Variants in RBFOX1 observed in about 807,000 individuals in gnomAD.
RBFOX1 encodes RNA binding protein fox-1 homolog 1.
Under a neutral mutation model 57.7 loss-of-function variants are expected in RBFOX1, and 8 were observed. The observed-to-expected ratio is 0.14, with a 90% CI of 0.08 to 0.25. RBFOX1 has a LOEUF of 0.25. Among genes scored for constraint, RBFOX1 ranks in the 10% least tolerant of loss-of-function variants. The pLI, the probability that RBFOX1 is intolerant of heterozygous loss-of-function variation, is 1.00. For missense variants in RBFOX1, 611 were observed against 548.5 expected, an observed-to-expected ratio of 1.11 and a Z score of -1.14; for synonymous variants, 326 against 222.4, an observed-to-expected ratio of 1.47 and a Z score of -4.15.
chr16:5,508,287 G>T (rs1215942407), intron 2 of RBFOX1, among the ~76,000 whole-genome samples: 1 of 152,124 alleles, frequency 6.6e-6, no homozygotes, highest in Admixed American at 6.5e-5. Flanking sequence ...GTGTCTGTAA[G>T]TCTGAGATCC....
intron 4 of RBFOX1, among the ~76,000 whole-genome samples, chr16:7,202,119 G>A (rs2088687882): frequency 1.3e-5 from 2 of 151,546 alleles, no homozygotes; most frequent in African/African-American, 4.9e-5. Flanking sequence ...AACAACCACA[G>A]CAATATAAAC....
At chr16:5,653,755 G>A (rs892260961) in intron 3 of RBFOX1, among the ~76,000 whole-genome samples, 2 of 152,202 alleles carry the variant, frequency 1.3e-5, no homozygotes, top group Non-Finnish European at 2.9e-5. Context: ...CAGGCCAGGG[G>A]TGGGGTGGCT....
rs76509162 is a variant in RBFOX1, at chr16:5,264,763, A to G, written c.219+24658A>G. 3.3e-5 allele frequency among the ~76,000 whole-genome samples: 5 copies of G among 152,166 alleles called. No homozygotes were observed. The East Asian group carries it at 9.7e-4, about 29-fold the overall frequency. On this transcript the variant is annotated intron_variant, in intron 1 of 2. Transcript: ENST00000585867. Reference sequence around the variant, plus strand: ...TTCTAGCTAGGAGCTTTTAATTCTTAGTACAGGGCTCTCTAGCATTCTTCT... The same window carrying G: ...TTCTAGCTAGGAGCTTTTAATTCTTGGTACAGGGCTCTCTAGCATTCTTCT...
At chr16:5,895,269 T>G in intron 4 of RBFOX1, among the ~76,000 whole-genome samples, 1 of 152,232 alleles carries the variant, frequency 6.6e-6, no homozygotes. Flanking sequence ...GTGGTCCAGA[T>G]GCCTGTCTTT....
rs1170255865 is a variant in RBFOX1 at position 6,521,435 on chromosome 16, C to T, written c.-63-133168C>T. Among the ~76,000 whole-genome samples the T allele has an allele frequency of 7.1e-5, 10 of 141,392 alleles. 1 individual carries two copies. In the Admixed American group the frequency reaches 7.1e-4, roughly 10 times the overall value. 92.8% of individuals were successfully genotyped at this position (141,392 alleles called of 152,430 possible). ...TTTCTTTTTTCTCTTCCTTCCCTTC[C>T]CTCCCCTCCCCTCCCGTCCCCTCTC... On this transcript the variant is annotated intron_variant, in intron 2 of 15. Transcript: ENST00000550418.
chr16:6,812,350 C>T (rs117764243), intron 3 of RBFOX1, among the ~76,000 whole-genome samples: 2 of 152,182 alleles, frequency 1.3e-5, no homozygotes, highest in East Asian at 1.9e-4. Flanking sequence ...CCAATTAGCA[C>T]TGCAAAGTTT....
chr16:5,324,171 T>C (rs981533473), intron 1 of RBFOX1, among the ~76,000 whole-genome samples: 3 of 152,110 alleles, frequency 2.0e-5, no homozygotes, highest in Non-Finnish European at 2.9e-5. Flanking sequence ...TCCTTGGAAA[T>C]AGAGAATTCT....
chr16:7,332,668 C>G (rs201697766), intron 4 of RBFOX1: 55 of 627,854 alleles, frequency 8.8e-5, no homozygotes, highest in South Asian at 2.6e-4. Context: ...TGGTCTCTCT[C>G]TCTGTCTCTC....
chr16:6,277,364 G>A (rs1169807588), intron 1 of RBFOX1, among the ~76,000 whole-genome samples: 1 of 149,082 alleles, frequency 6.7e-6, no homozygotes, highest in Non-Finnish European at 1.5e-5. Flanking sequence ...AGGAGGCTAA[G>A]GTGGGAGGAT....
At chr16:7,120,423 C>G (rs975460703) in intron 4 of RBFOX1, among the ~76,000 whole-genome samples, 6 of 151,952 alleles carry the variant, frequency 3.9e-5, no homozygotes, top group Admixed American at 6.6e-5. Context: ...TGAATCTATT[C>G]TAGCAAGACT....
rs117919668 is a variant in RBFOX1 at position 7,301,730 on chromosome 16, C to G, written c.28-216417C>G. On this transcript the variant is annotated intron_variant, in intron 4 of 15. Transcript: ENST00000550418. ...CTTCTTGGGTTATTTACAGGCTTTT[C>G]TAATGCCAGCAAGAGAAAAAAAAAT... is the stretch of plus-strand genomic sequence containing the variant. Among the ~76,000 whole-genome samples, 639 of 151,978 alleles carry G rather than the reference C, an allele frequency of 4.2e-3. 17 individuals are homozygous for G. The highest frequency in any genetic ancestry group is 0.035 in the Admixed American group (538 of 15,276).
chr16:7,621,059 G>C (rs78763291), intron 10 of RBFOX1, among the ~76,000 whole-genome samples: 3,273 of 152,082 alleles, frequency 0.022, 110 homozygotes, highest in African/African-American at 0.075. Flanking sequence ...AGACCCCCTA[G>C]ATAAGAATCT....
chr16:5,713,019 A>C (rs1322532691), intron 3 of RBFOX1, among the ~76,000 whole-genome samples: 1 of 152,174 alleles, frequency 6.6e-6, no homozygotes, highest in Non-Finnish European at 1.5e-5. Flanking sequence ...ATAGTGGATG[A>C]GACTTTAGCC....
chr16:6,535,542 T>G (rs1248975171), intron 2 of RBFOX1, among the ~76,000 whole-genome samples: 1 of 152,236 alleles, frequency 6.6e-6, no homozygotes, highest in Non-Finnish European at 1.5e-5. Flanking sequence ...GTCAGGTTTA[T>G]TCGTCAGTGT....
intron 5 of RBFOX1, among the ~76,000 whole-genome samples, chr16:7,524,393 A>G (rs1016196774): frequency 4.6e-5 from 7 of 152,092 alleles, no homozygotes; most frequent in East Asian, 1.9e-4. Context: ...CTGAATTTCT[A>G]TTTCATGTAG....
intron 10 of RBFOX1, among the ~76,000 whole-genome samples, chr16:7,612,566 C>G (rs921216772): frequency 6.6e-6 from 1 of 151,694 alleles, no homozygotes; most frequent in African/African-American, 2.4e-5. Flanking sequence ...GGGATTCTTA[C>G]ACTTTCTCTG....
chr16:7,418,798 C>G (rs1247795440), intron 4 of RBFOX1, among the ~76,000 whole-genome samples: 1 of 133,316 alleles, frequency 7.5e-6, no homozygotes. Context: ...CTTTCTCTGT[C>G]TTCCTCTGTC....
rs144349148 is a variant in RBFOX1, at chr16:6,345,212, G to A, written c.-64+28155G>A. Among the ~76,000 whole-genome samples, 33 of 152,206 alleles carry A rather than the reference G, an allele frequency of 2.2e-4. 1 individual carries two copies. The highest frequency in any genetic ancestry group is 7.2e-4 in the African/African-American group (30 of 41,544). ...GGCGCTGCGTCCAGGAGGGTTCTTG[G>A]CTTTACCCAGAAGAGAATTCAAGGG... On this transcript the variant is annotated intron_variant, in intron 2 of 15. Transcript: ENST00000550418.
intron 2 of RBFOX1, among the ~76,000 whole-genome samples, chr16:6,425,686 G>A (rs1370548190): frequency 6.6e-6 from 1 of 151,958 alleles, no homozygotes; most frequent in Non-Finnish European, 1.5e-5. Flanking sequence ...GATTTGTATT[G>A]CCTGGTTTAT....
Sources: allele counts gnomAD v4.1 joint callset (sites outside exome capture counted in the v4.1 genomes callset), GRCh38; gene constraint gnomAD v4.1.1; transcripts MANE v1.5; gene names NCBI Gene and HGNC (gene_info 2026-07-23, HGNC 2026-07-21).